Variants in NF1 observed in about 807,000 individuals in gnomAD.
NF1 encodes neurofibromin.
In NF1, 122 loss-of-function variants were observed where a neutral mutation model predicts 325.7. That is an observed-to-expected ratio of 0.37 (90% CI 0.32 to 0.44). The LOEUF (loss-of-function observed/expected upper bound fraction) is 0.44. NF1 is among the 20% of genes least tolerant of loss of function. The pLI is 1.00. For missense variants in NF1, 2,140 were observed against 3,415.4 expected, an observed-to-expected ratio of 0.63 and a Z score of 9.31; for synonymous variants, 1,091 against 1,186.0, an observed-to-expected ratio of 0.92 and a Z score of 1.65.
chr17:31,128,532 C>T (rs1215461521), intron 1 of NF1: 2 of 152,064 alleles, frequency 1.3e-5, no homozygotes, highest in African/African-American at 4.8e-5. Context: ...AACGAATTCC[C>T]TCAGCATTTG....
At chr17:31,215,936 TGGAGA>T (rs986212365) in intron 13 of NF1, among the ~76,000 whole-genome samples, 13 of 151,860 alleles carry the variant, frequency 8.6e-5, no homozygotes, top group Non-Finnish European at 1.8e-4. Flanking sequence ...TCTTGGAGAG[TGGAGA>T]GGAGAGAAGA....
intron 36 of NF1, chr17:31,295,478 G>T (rs2068443831): frequency 6.2e-7 from 1 of 1,614,160 alleles, no homozygotes; most frequent in Admixed American, 1.7e-5. Flanking sequence ...GGTGTCCACT[G>T]TCTGCATCCC....
At chr17:31,363,150 G>T (rs1302724201) in intron 57 of NF1, among the ~76,000 whole-genome samples, 2 of 152,096 alleles carry the variant, frequency 1.3e-5, no homozygotes, top group Non-Finnish European at 2.9e-5. Context: ...AACTCTTCCT[G>T]TCACTCAATT....
chr17:31,100,812 C>T (rs1415669375), intron 1 of NF1, among the ~76,000 whole-genome samples: 1 of 152,150 alleles, frequency 6.6e-6, no homozygotes, highest in Non-Finnish European at 1.5e-5. Context: ...TCGTGATCCA[C>T]CTGCCTTGAC....
chr17:31,247,763 G>T (rs2067421338), intron 29 of NF1, among the ~76,000 whole-genome samples: 1 of 152,138 alleles, frequency 6.6e-6, no homozygotes, highest in African/African-American at 2.4e-5. Context: ...TATAATTAGA[G>T]AATAGATAAA....
At chr17:31,150,651 A>G (rs1487052885) in intron 1 of NF1, among the ~76,000 whole-genome samples, 1 of 152,114 alleles carries the variant, frequency 6.6e-6, no homozygotes, top group Non-Finnish European at 1.5e-5. Context: ...TGATAATTGT[A>G]TTGTATCTAT....
At chr17:31,249,886 G>A in intron 30 of NF1, 1 of 469,466 alleles carries the variant, frequency 2.1e-6, no homozygotes, top group South Asian at 1.6e-5. Context: ...CTGGAATTTG[G>A]GATAGGGGTG....
At chr17:31,257,140 G>A (rs1274972591) in intron 31 of NF1, among the ~76,000 whole-genome samples, 3 of 152,048 alleles carry the variant, frequency 2.0e-5, no homozygotes, top group African/African-American at 7.2e-5. Flanking sequence ...AATTATGACA[G>A]GAAATATTTA....
chr17:31,353,682 C>G (rs1400758275), intron 51 of NF1, among the ~76,000 whole-genome samples: 1 of 152,198 alleles, frequency 6.6e-6, no homozygotes, highest in Non-Finnish European at 1.5e-5. Context: ...CAGAGATGTT[C>G]TTGCATTCCA....
At chr17:31,132,174 CTTCT>C (rs1915440871) in intron 1 of NF1, among the ~76,000 whole-genome samples, 1 of 152,102 alleles carries the variant, frequency 6.6e-6, no homozygotes, top group African/African-American at 2.4e-5. Flanking sequence ...CTCAAATGAT[CTTCT>C]TTCTTGGCTT....
At chr17:31,170,966 T>C (rs561269356) in intron 5 of NF1, among the ~76,000 whole-genome samples, 8 of 152,216 alleles carry the variant, frequency 5.3e-5, no homozygotes, top group Non-Finnish European at 1.0e-4. Flanking sequence ...TTTTAATATC[T>C]GACCTAAAAC....
chr17:31,200,469 A>G lies in NF1; in HGVS notation c.936A>G (p.Gly312=). The change falls in exon 9 of 58, where the codon GGA becomes GGG. Residue 312 remains glycine, a synonymous_variant. Coordinates refer to ENST00000358273, the MANE Select transcript of NF1 (RefSeq NM_001042492.3). ...GAAAAGCTCTTGCTGGCCATGGAGG[A>G]AGTAGGCAGCTGACAGAAAGTGCTG... ...SLRKALAGHG[G]SRQLTESAAI... The G allele has an allele frequency of 1.2e-6, 2 of 1,614,144 alleles. No homozygotes were observed. The highest frequency in any genetic ancestry group is 1.7e-6 in the Non-Finnish European group (2 of 1,180,010).
At chr17:31,220,889 G>T (rs2066910083) in intron 14 of NF1, among the ~76,000 whole-genome samples, 1 of 152,028 alleles carries the variant, frequency 6.6e-6, no homozygotes, top group African/African-American at 2.4e-5. Flanking sequence ...ATTTTAATTT[G>T]TGTTGTTTTT....
chr17:31,301,141 C>A (rs2068565339), intron 36 of NF1, among the ~76,000 whole-genome samples: 1 of 151,776 alleles, frequency 6.6e-6, no homozygotes, highest in African/African-American at 2.4e-5. Flanking sequence ...GTGTAATGCG[C>A]ACTTGCATGT....
intron 29 of NF1, among the ~76,000 whole-genome samples, chr17:31,237,137 A>G (rs530304830): frequency 1.3e-5 from 2 of 152,302 alleles, no homozygotes; most frequent in South Asian, 4.1e-4. Context: ...AATAATCATT[A>G]TTTAGCAACT....
chr17:31,228,647 C>G (rs1353998727), intron 20 of NF1, among the ~76,000 whole-genome samples: 1 of 152,258 alleles, frequency 6.6e-6, no homozygotes, highest in Admixed American at 6.5e-5. Flanking sequence ...CCCAACGTCT[C>G]TAGCCCTAGG....
intron 36 of NF1, among the ~76,000 whole-genome samples, chr17:31,303,154 G>C (rs901380418): frequency 1.3e-5 from 2 of 152,134 alleles, no homozygotes; most frequent in Non-Finnish European, 2.9e-5. Context: ...AACTATGAGT[G>C]GTTCTCCAAG....
chr17:31,277,193 G>T (rs17883478), intron 36 of NF1, among the ~76,000 whole-genome samples: 1 of 152,098 alleles, frequency 6.6e-6, no homozygotes, highest in Non-Finnish European at 1.5e-5. Flanking sequence ...TACTGTCCCC[G>T]GGCTGGCAGA....
chr17:31,264,086 A>G (rs1158279741), intron 35 of NF1, among the ~76,000 whole-genome samples: 1 of 152,176 alleles, frequency 6.6e-6, no homozygotes, highest in African/African-American at 2.4e-5. Context: ...TACTAGGTGT[A>G]AAAGAAAATA....
Sources: gnomAD v4.1 joint callset for allele counts (sites outside exome capture counted in the v4.1 genomes callset) on GRCh38, gnomAD v4.1.1 for gene constraint, MANE v1.5 for transcripts, NCBI Gene and HGNC (gene_info 2026-07-23, HGNC 2026-07-21) for gene names.